NUSAP1: variants seen among roughly 807,000 people sequenced by gnomAD.
NUSAP1 encodes the protein nucleolar and spindle-associated protein 1.
In NUSAP1, 32 loss-of-function variants were observed where a neutral mutation model predicts 52.8. The observed-to-expected ratio is 0.61, with a 90% CI of 0.46 to 0.81. The LOEUF (loss-of-function observed/expected upper bound fraction) is 0.81, where lower values mean the gene tolerates loss of function less well. Among genes scored for constraint, NUSAP1 ranks in the 40% least tolerant of loss-of-function variants. The pLI is 0.00. For synonymous variants in NUSAP1, 195 were observed against 183.1 expected (o/e 1.06, Z -0.52); for missense variants, 499 against 522.3 (o/e 0.96, Z 0.43).
chr15:41,369,547 C>G (rs2049572146), intron 7 of NUSAP1, among the ~76,000 whole-genome samples: 1 of 151,958 alleles, frequency 6.6e-6, no homozygotes. Flanking sequence ...ACTTGGGAGG[C>G]TGAGGCAAGA....
intron 7 of NUSAP1, among the ~76,000 whole-genome samples, chr15:41,370,832 G>A (rs953517344): frequency 3.0e-4 from 46 of 151,988 alleles, no homozygotes; most frequent in Non-Finnish European, 3.7e-4. Context: ...TGAGGCAGGA[G>A]GATGGCTTGA....
chr15:41,336,891 C>T (rs573286483), intron 1 of NUSAP1, among the ~76,000 whole-genome samples: 22 of 151,860 alleles, frequency 1.4e-4, no homozygotes, highest in African/African-American at 5.3e-4. Flanking sequence ...GGTTCCCTTC[C>T]CTCCCTTGAT....
At chr15:41,340,312 C>G (rs2048328079) in intron 1 of NUSAP1, among the ~76,000 whole-genome samples, 1 of 152,104 alleles carries the variant, frequency 6.6e-6, no homozygotes, top group Non-Finnish European at 1.5e-5. Context: ...CCTTTCCCAG[C>G]CATCCTAATT....
intron 7 of NUSAP1, among the ~76,000 whole-genome samples, chr15:41,368,663 T>G (rs1250512770): frequency 1.3e-5 from 2 of 151,966 alleles, no homozygotes; most frequent in African/African-American, 4.8e-5. Flanking sequence ...CTAATAGAAC[T>G]GGTGCATGAC....
intron 5 of NUSAP1, among the ~76,000 whole-genome samples, chr15:41,357,091 G>A (rs764728281): frequency 2.6e-5 from 4 of 152,102 alleles, no homozygotes; most frequent in East Asian, 1.9e-4. Flanking sequence ...AAGAATGGCC[G>A]GGTGCGGTTC....
At chr15:41,351,947 C>CT (rs200446274) in intron 4 of NUSAP1, 168 of 143,898 alleles carry the variant, frequency 1.2e-3, no homozygotes, top group Middle Eastern at 3.6e-3. Flanking sequence ...TATAGAATTT[C>CT]TTTTTTTTTT....
chr15:41,360,573 C>G (rs796470034), intron 6 of NUSAP1, among the ~76,000 whole-genome samples: 2 of 152,126 alleles, frequency 1.3e-5, no homozygotes, highest in African/African-American at 4.8e-5. Context: ...GCCTCAGCCT[C>G]CCAAAGTGCT....
chr15:41,374,828 T>C (rs1433153589), intron 8 of NUSAP1, among the ~76,000 whole-genome samples: 1 of 151,588 alleles, frequency 6.6e-6, no homozygotes, highest in Non-Finnish European at 1.5e-5. Flanking sequence ...CCCAGCTTCT[T>C]TTTTTTCTTT....
intron 2 of NUSAP1, chr15:41,343,131 A>G (rs957189366): frequency 4.6e-5 from 7 of 152,188 alleles, no homozygotes; most frequent in Non-Finnish European, 8.8e-5. Context: ...AGAAAACTCA[A>G]ACTCCTCTTC....
At chr15:41,356,233 C>A (rs974351155) in intron 5 of NUSAP1, 93 bp downstream of exon 5, 2 of 747,300 alleles carry the variant, frequency 2.7e-6, no homozygotes, top group East Asian at 2.7e-5. Flanking sequence ...AGGCTGGAAC[C>A]AGTTTACATT....
intron 1 of NUSAP1, among the ~76,000 whole-genome samples, chr15:41,335,375 AATATACTAT>A (rs1259522830): frequency 7.0e-6 from 1 of 143,026 alleles, no homozygotes; most frequent in South Asian, 2.1e-4. Context: ...TAAATATATA[AATATACTAT>A]ATATACTAAA....
chr15:41,356,210 G>T (rs1278497077), intron 5 of NUSAP1, 70 bp downstream of exon 5: 2 of 870,358 alleles, frequency 2.3e-6, no homozygotes, highest in Non-Finnish European at 3.7e-6. Context: ...GACTGTAACA[G>T]CTGAAAGCAT....
In NUSAP1 at chr15:41,371,537, GC is replaced by G. The variant is rs773371608; in HGVS notation, c.860del (p.Ala287ValfsTer11). The part of the protein sequence containing the change: ...AAKTGVRFSA[A>X]TKDNEHKRSL... Reference sequence around the variant, plus strand: ...TGCTGTCCTATTTAGGTTTTCAGCTGCTACTAAAGATAATGAGCATAAGCGT... The same window carrying G: ...TGCTGTCCTATTTAGGTTTTCAGCTGTACTAAAGATAATGAGCATAAGCGT... On this transcript the variant is annotated frameshift_variant, in exon 8 of 11. Coordinates refer to ENST00000559596, the MANE Select transcript of NUSAP1 (RefSeq NM_016359.5). LOFTEE classifies it high-confidence loss of function. 9.4e-6 allele frequency: 15 copies of G among 1,595,656 alleles called. No individual in the cohort carries two copies. Among genetic ancestry groups the G allele is most frequent in the Non-Finnish European group, 1.3e-5 (15 of 1,174,820 alleles).
At chr15:41,369,888 A>G (rs2049594881) in intron 7 of NUSAP1, among the ~76,000 whole-genome samples, 1 of 150,990 alleles carries the variant, frequency 6.6e-6, no homozygotes, top group African/African-American at 2.4e-5. Flanking sequence ...CAACATAGTG[A>G]AACCCCGTCT....
intron 1 of NUSAP1, among the ~76,000 whole-genome samples, chr15:41,338,494 A>G (rs1036680177): frequency 2.6e-5 from 4 of 151,814 alleles, no homozygotes; most frequent in African/African-American, 9.7e-5. Context: ...CTGAAATCTG[A>G]CCTCTGGGCA....
intron 10 of NUSAP1, among the ~76,000 whole-genome samples, chr15:41,379,672 G>T (rs2050131186): frequency 6.6e-6 from 1 of 152,010 alleles, no homozygotes; most frequent in Non-Finnish European, 1.5e-5. Context: ...AGCCTCCCCA[G>T]TAGCTGTGAT....
At chr15:41,346,230 C>T (rs2048562346) in intron 2 of NUSAP1, among the ~76,000 whole-genome samples, 1 of 151,968 alleles carries the variant, frequency 6.6e-6, no homozygotes, top group African/African-American at 2.4e-5. Context: ...CGTGAGCCAC[C>T]ACACCCAGCC....
At chr15:41,343,650 G>A (rs754457142) in intron 2 of NUSAP1, among the ~76,000 whole-genome samples, 1 of 151,732 alleles carries the variant, frequency 6.6e-6, no homozygotes, top group Non-Finnish European at 1.5e-5. Flanking sequence ...CACCATGCCC[G>A]GCCCATTTTC....
rs200923183 is a variant in NUSAP1, at chr15:41,356,039, G to A, written c.449G>A (p.Gly150Asp). Residue 150 changes from glycine (G) to aspartate (D), a missense_variant and splice_region_variant, in exon 5 of 11, where the codon GGT (glycine) becomes GAT (aspartate). Gly to Asp is a moderately conservative substitution (Grantham distance 94). Coordinates refer to ENST00000559596, the MANE Select transcript of NUSAP1 (RefSeq NM_016359.5). ...HQEAENAVSS[G>D]NRDSKVPSEG... is the part of the protein sequence containing the mutation. ...ATTATTTCTGTGTCTTTGGATTTAGGTAACAGAGATTCAAAGGTACCTTCA... is the reference window on the plus strand; with the variant it reads ...ATTATTTCTGTGTCTTTGGATTTAGATAACAGAGATTCAAAGGTACCTTCA... 4 of 1,569,814 alleles carry A rather than the reference G, an allele frequency of 2.5e-6. No homozygotes were observed. The highest frequency in any genetic ancestry group is 1.7e-5 in the Admixed American group (1 of 58,424).
Sources: allele counts gnomAD v4.1 joint callset (sites outside exome capture counted in the v4.1 genomes callset), GRCh38; gene constraint gnomAD v4.1.1; transcripts MANE v1.5; gene names NCBI Gene and HGNC (gene_info 2026-07-23, HGNC 2026-07-21).